The following HTR1F variants were observed in gnomAD, a reference collection of about 807,000 sequenced individuals.
HTR1F encodes the protein 5-hydroxytryptamine receptor 1F.
Under a neutral mutation model 24.0 loss-of-function variants are expected in HTR1F, and 17 were observed. The observed-to-expected ratio is 0.71, with a 90% CI of 0.48 to 1.06. The LOEUF is 1.06. Among genes scored for constraint, HTR1F ranks in the 50% least tolerant of loss-of-function variants. HTR1F has a pLI of 0.00. For missense variants in HTR1F, 391 were observed against 427.8 expected (o/e 0.91, Z 0.76); for synonymous variants, 186 against 156.8 (o/e 1.19, Z -1.39).
At chr3:87,873,133 C>CACACACACAG (rs370152361) in intron 2 of HTR1F, among the ~76,000 whole-genome samples, 11 of 130,186 alleles carry the variant, frequency 8.4e-5, no homozygotes, top group African/African-American at 2.4e-4. Context: ...CACACACACA[C>CACACACACAG]AGAGAGATTT....
At chr3:87,884,353 T>TA (rs1705884563) in intron 2 of HTR1F, among the ~76,000 whole-genome samples, 1 of 152,234 alleles carries the variant, frequency 6.6e-6, no homozygotes, top group East Asian at 1.9e-4. Flanking sequence ...AAGGAAGCAC[T>TA]AAACATGGAA....
At chr3:87,952,675 T>C (rs1422256256) in intron 2 of HTR1F, among the ~76,000 whole-genome samples, 6 of 151,910 alleles carry the variant, frequency 3.9e-5, no homozygotes, top group Admixed American at 2.6e-4. Flanking sequence ...TCTGACAAAA[T>C]TCTGAAAATC....
intron 2 of HTR1F, among the ~76,000 whole-genome samples, chr3:87,975,332 A>G (rs564475442): frequency 2.0e-5 from 3 of 152,278 alleles, no homozygotes; most frequent in Admixed American, 2.0e-4. Context: ...TTTGGAATCC[A>G]AGATTTGGAT....
intron 2 of HTR1F, among the ~76,000 whole-genome samples, chr3:87,852,021 T>C (rs1705098066): frequency 6.6e-6 from 1 of 151,488 alleles, no homozygotes; most frequent in Admixed American, 6.6e-5. Context: ...AGACTCTATT[T>C]TTCCAAACAT....
At chr3:87,906,136 G>C (rs1443164187) in intron 2 of HTR1F, among the ~76,000 whole-genome samples, 5 of 152,096 alleles carry the variant, frequency 3.3e-5, no homozygotes, top group African/African-American at 1.2e-4. Context: ...GAAAAAAAGT[G>C]TTCCAATATA....
intron 2 of HTR1F, among the ~76,000 whole-genome samples, chr3:87,946,340 G>A (rs1487950086): frequency 6.6e-6 from 1 of 152,134 alleles, no homozygotes; most frequent in African/African-American, 2.4e-5. Flanking sequence ...CCTGAAAACA[G>A]AGCTCCCATA....
intron 2 of HTR1F, among the ~76,000 whole-genome samples, chr3:87,885,425 T>G (rs1278966109): frequency 9.2e-5 from 14 of 151,828 alleles, no homozygotes; most frequent in Non-Finnish European, 2.9e-5. Context: ...ACATCACAAT[T>G]AAAAGAACTA....
chr3:87,841,923 G>GA lies in HTR1F; in HGVS notation c.-43+19814dup, dbSNP rs370439117. On this transcript the variant is annotated intron_variant, in intron 2 of 2. Transcript: ENST00000319595. The stretch of plus-strand genomic sequence containing the variant: ...CTCAAAAAAAAAAAAAAAAGAAAAA[G>GA]AAAAAAAAAAAAAAACTAAACTAAC... 3.1e-3 allele frequency among the ~76,000 whole-genome samples: 354 copies of GA among 114,914 alleles called. 2 individuals are homozygous for GA. Among genetic ancestry groups the GA allele is most frequent in the Middle Eastern group, 0.011 (2 of 186 alleles). The allele number at this position is 114,914 out of a possible 152,430, so 75.4% of individuals were successfully genotyped here. A position where few individuals can be genotyped will look rare whatever the true frequency, so the allele number is the denominator to read the frequency against.
At chr3:87,982,893 CA>C (rs1705582226) in intron 2 of HTR1F, among the ~76,000 whole-genome samples, 1 of 152,154 alleles carries the variant, frequency 6.6e-6, no homozygotes, top group Non-Finnish European at 1.5e-5. Flanking sequence ...CTCTCTGAGT[CA>C]AGATGCACTG....
rs199987641 is a variant in HTR1F, at chr3:87,901,712, G to GA, written c.-43+79597dup. Among the ~76,000 whole-genome samples, 1,122 of 147,706 alleles carry GA rather than the reference G, an allele frequency of 7.6e-3. 9 individuals carry two copies. The highest frequency in any genetic ancestry group is 0.012 in the Non-Finnish European group (787 of 66,678). ...ATTTACATATACACTCACCAAAAAT[G>GA]AAAAAAAAATGGTCTCTACTTAGTA... On this transcript the variant is annotated intron_variant, in intron 2 of 2. Coordinates refer to ENST00000319595, the MANE Select transcript of HTR1F (RefSeq NM_001322209.2).
chr3:87,852,010 G>A (rs1282532391), intron 2 of HTR1F, among the ~76,000 whole-genome samples: 2 of 149,812 alleles, frequency 1.3e-5, no homozygotes, highest in Non-Finnish European at 3.0e-5. Flanking sequence ...AGCAATAGCT[G>A]AGACTCTATT....
At chr3:87,809,999 T>C (rs546519928) in intron 1 of HTR1F, among the ~76,000 whole-genome samples, 1 of 152,250 alleles carries the variant, frequency 6.6e-6, no homozygotes, top group East Asian at 1.9e-4. Flanking sequence ...ACCTTATTTT[T>C]TAATTAGCTA....
chr3:87,915,127 G>A (rs1703865163), intron 2 of HTR1F, among the ~76,000 whole-genome samples: 4 of 152,144 alleles, frequency 2.6e-5, no homozygotes, highest in African/African-American at 9.7e-5. Context: ...CGTCTGTCAG[G>A]AAGCCACGTC....
At chr3:87,922,366 A>G (rs1704029238) in intron 2 of HTR1F, among the ~76,000 whole-genome samples, 1 of 151,310 alleles carries the variant, frequency 6.6e-6, no homozygotes, top group South Asian at 2.1e-4. Flanking sequence ...TTGAAATCAG[A>G]TTTTTTTCTT....
At chr3:87,973,685 A>G (rs1251633448) in intron 2 of HTR1F, among the ~76,000 whole-genome samples, 1 of 151,832 alleles carries the variant, frequency 6.6e-6, no homozygotes, top group Admixed American at 6.6e-5. Flanking sequence ...AAATAAAAAT[A>G]AAAATTACTT....
At chr3:87,877,237 G>A (rs1014850314) in intron 2 of HTR1F, among the ~76,000 whole-genome samples, 2 of 151,978 alleles carry the variant, frequency 1.3e-5, no homozygotes, top group African/African-American at 4.8e-5. Flanking sequence ...TTTTTTGTTT[G>A]TAATAAAAGA....
At chr3:87,864,504 C>T (rs563653086) in intron 2 of HTR1F, among the ~76,000 whole-genome samples, 13 of 152,306 alleles carry the variant, frequency 8.5e-5, no homozygotes, top group African/African-American at 3.1e-4. Context: ...TTGACCCAAA[C>T]TCTGTCCTCA....
intron 2 of HTR1F, among the ~76,000 whole-genome samples, chr3:87,937,271 C>T (rs1176174841): frequency 6.6e-6 from 1 of 151,998 alleles, no homozygotes; most frequent in South Asian, 2.1e-4. Context: ...CATTAAACAC[C>T]GTGATCAAGT....
chr3:87,860,448 C>T (rs1453246479), intron 2 of HTR1F, among the ~76,000 whole-genome samples: 9 of 152,172 alleles, frequency 5.9e-5, no homozygotes, highest in Non-Finnish European at 1.3e-4. Context: ...CAATAGAACT[C>T]TGACACTAGG....
Sources: gnomAD v4.1 joint callset for allele counts (sites outside exome capture counted in the v4.1 genomes callset) on GRCh38, gnomAD v4.1.1 for gene constraint, MANE v1.5 for transcripts, NCBI Gene and HGNC (gene_info 2026-07-23, HGNC 2026-07-21) for gene names.